TTBK2: variants seen among roughly 807,000 people sequenced by gnomAD.
TTBK2 encodes tau-tubulin kinase 2.
Under a neutral mutation model 110.8 loss-of-function variants are expected in TTBK2, and 28 were observed. The ratio of observed to expected loss-of-function variants is 0.25; its 90% confidence interval spans 0.19 to 0.35. The LOEUF is 0.35. Among genes scored for constraint, TTBK2 ranks in the 10% least tolerant of loss-of-function variants. The pLI, the probability that TTBK2 is intolerant of heterozygous loss-of-function variation, is 1.00. For synonymous variants in TTBK2, 532 were observed against 527.3 expected (o/e 1.01, Z -0.12); for missense variants, 1,369 against 1,500.3 (o/e 0.91, Z 1.45).
intron 13 of TTBK2, among the ~76,000 whole-genome samples, chr15:42,767,593 C>A (rs1485118184): frequency 6.6e-6 from 1 of 152,182 alleles, no homozygotes; most frequent in Non-Finnish European, 1.5e-5. Flanking sequence ...AGACCAATAA[C>A]AGGCTCTGAA....
At chr15:42,863,858 CT>C (rs1894256099) in intron 3 of TTBK2, among the ~76,000 whole-genome samples, 1 of 152,150 alleles carries the variant, frequency 6.6e-6, no homozygotes. Context: ...ATAAATGGTG[CT>C]GGGATAACTT....
At chr15:42,913,128 T>A (rs2030878641) in intron 1 of TTBK2, among the ~76,000 whole-genome samples, 1 of 96,114 alleles carries the variant, frequency 1.0e-5, no homozygotes. Context: ...CGAGACTCCG[T>A]CTCAAAAAAA....
intron 3 of TTBK2, among the ~76,000 whole-genome samples, chr15:42,847,854 C>T (rs955806108): frequency 6.6e-6 from 1 of 152,092 alleles, no homozygotes; most frequent in Non-Finnish European, 1.5e-5. Context: ...AGTTTCTTTG[C>T]TTATATTTTA....
chr15:42,901,541 G>T (rs2030009005), intron 1 of TTBK2, among the ~76,000 whole-genome samples: 1 of 151,692 alleles, frequency 6.6e-6, no homozygotes, highest in African/African-American at 2.4e-5. Context: ...CAGCTACTTG[G>T]GAGGCTGAGG....
At position 42,888,689 on chromosome 15, in the gene TTBK2, C is replaced by T. The variant is rs902803738; in HGVS notation, c.-67-10005G>A. On this transcript the variant is annotated intron_variant, in intron 1 of 14. Coordinates refer to ENST00000267890, the MANE Select transcript of TTBK2 (RefSeq NM_173500.4). Reference sequence around the variant, plus strand: ...ATGCTGTTATGGGCTGAAAAGTTTCCTCACTACACAAGGGTCCTCCATCAT... The same window carrying T: ...ATGCTGTTATGGGCTGAAAAGTTTCTTCACTACACAAGGGTCCTCCATCAT... Among the ~76,000 whole-genome samples, 14 of 152,114 alleles carry T rather than the reference C, an allele frequency of 9.2e-5. 1 individual carries two copies. The highest frequency in any genetic ancestry group is 8.5e-4 in the Admixed American group (13 of 15,270).
chr15:42,888,484 T>C (rs1363227838), intron 1 of TTBK2, among the ~76,000 whole-genome samples: 1 of 152,086 alleles, frequency 6.6e-6, no homozygotes, highest in Non-Finnish European at 1.5e-5. Flanking sequence ...CCAAGCCTAA[T>C]CGCCACTCAC....
At chr15:42,837,973 T>C (rs1398471130) in intron 4 of TTBK2, among the ~76,000 whole-genome samples, 11 of 151,872 alleles carry the variant, frequency 7.2e-5, no homozygotes, top group Non-Finnish European at 2.9e-5. Context: ...TTTGGGAGGC[T>C]GAGGCAGGCG....
At chr15:42,908,810 C>T (rs182669857) in intron 1 of TTBK2, among the ~76,000 whole-genome samples, 132 of 152,264 alleles carry the variant, frequency 8.7e-4, no homozygotes, top group African/African-American at 3.1e-3. Context: ...CACCAGCAAA[C>T]AGGTACAAGA....
chr15:42,883,210 C>T (rs1292930680), intron 1 of TTBK2, among the ~76,000 whole-genome samples: 1 of 151,700 alleles, frequency 6.6e-6, no homozygotes, highest in South Asian at 2.1e-4. Context: ...GGAGAAACCC[C>T]GTCTCTTCTA....
chr15:42,769,364 C>T (rs1241165501), intron 13 of TTBK2, among the ~76,000 whole-genome samples: 2 of 152,214 alleles, frequency 1.3e-5, no homozygotes, highest in African/African-American at 4.8e-5. Flanking sequence ...ATCTACTCAT[C>T]TGACAAAGGG....
chr15:42,803,349 T>A (rs1403684496), intron 9 of TTBK2, among the ~76,000 whole-genome samples: 9 of 152,192 alleles, frequency 5.9e-5, no homozygotes, highest in African/African-American at 2.2e-4. Flanking sequence ...AAAAACACAG[T>A]ATTATAAGCT....
intron 3 of TTBK2, among the ~76,000 whole-genome samples, chr15:42,843,773 A>C (rs1893337915): frequency 1.4e-5 from 2 of 139,128 alleles, no homozygotes; most frequent in Non-Finnish European, 3.2e-5. Context: ...AAAAAAAAAA[A>C]AAAAAAAAAG....
chr15:42,828,344 C>T (rs1421008445), intron 5 of TTBK2, among the ~76,000 whole-genome samples: 1 of 151,604 alleles, frequency 6.6e-6, no homozygotes, highest in Non-Finnish European at 1.5e-5. Context: ...TAAATGACAG[C>T]CCAATCCCTA....
intron 9 of TTBK2, among the ~76,000 whole-genome samples, chr15:42,795,811 C>A (rs968965272): frequency 2.7e-5 from 4 of 148,168 alleles, no homozygotes; most frequent in Non-Finnish European, 5.9e-5. Context: ...TCACTGTACT[C>A]CAACCTGGGT....
intron 10 of TTBK2, among the ~76,000 whole-genome samples, chr15:42,793,708 C>T (rs1333015433): frequency 6.6e-6 from 1 of 151,860 alleles, no homozygotes; most frequent in Non-Finnish European, 1.5e-5. Context: ...ATTAGCCGGG[C>T]GTGGTGGCAA....
chr15:42,764,398 C>T (rs895192690), intron 13 of TTBK2, among the ~76,000 whole-genome samples: 13 of 152,262 alleles, frequency 8.5e-5, no homozygotes, highest in Non-Finnish European at 1.0e-4. Context: ...GGGACACTCT[C>T]GCCCAAATAC....
At chr15:42,833,073 G>T (rs926714193) in intron 4 of TTBK2, among the ~76,000 whole-genome samples, 1 of 151,596 alleles carries the variant, frequency 6.6e-6, no homozygotes, top group Non-Finnish European at 1.5e-5. Flanking sequence ...GGAGGGAGAG[G>T]AGCAGAAAAG....
chr15:42,867,632 A>G (rs1468146122), intron 3 of TTBK2, among the ~76,000 whole-genome samples: 1 of 152,220 alleles, frequency 6.6e-6, no homozygotes, highest in African/African-American at 2.4e-5. Flanking sequence ...TGACAATGAG[A>G]TGTCACTACA....
At chr15:42,780,793 C>T (rs546768174) in intron 11 of TTBK2, among the ~76,000 whole-genome samples, 2 of 152,040 alleles carry the variant, frequency 1.3e-5, no homozygotes, top group East Asian at 3.9e-4. Context: ...TGGCAAAACC[C>T]TCTCTACTAA....
Sources: allele counts gnomAD v4.1 joint callset (sites outside exome capture counted in the v4.1 genomes callset), GRCh38; gene constraint gnomAD v4.1.1; transcripts MANE v1.5; gene names NCBI Gene and HGNC (gene_info 2026-07-23, HGNC 2026-07-21).